Variants in EPSTI1 observed in about 807,000 individuals in gnomAD.
EPSTI1 encodes the protein epithelial-stromal interaction protein 1.
EPSTI1 carries 66 observed loss-of-function variants against 49.9 expected under a neutral mutation model. The observed-to-expected ratio is 1.32, with a 90% confidence interval of 1.08 to 1.62. EPSTI1 has a LOEUF of 1.62. Ranked by LOEUF, EPSTI1 falls within the 40% of genes most tolerant of loss-of-function variation. The pLI is 0.00. For missense variants in EPSTI1, 394 were observed against 365.5 expected (o/e 1.08, Z -0.64); for synonymous variants, 137 against 130.7 (o/e 1.05, Z -0.33).
chr13:42,971,844 G>T (rs1421668933), intron 1 of EPSTI1, among the ~76,000 whole-genome samples: 1 of 152,196 alleles, frequency 6.6e-6, no homozygotes, highest in East Asian at 1.9e-4. Context: ...GCCTTTGCAT[G>T]CAAATGGGGC....
intron 6 of EPSTI1, among the ~76,000 whole-genome samples, chr13:42,936,131 T>A (rs1460377925): frequency 1.3e-5 from 2 of 152,184 alleles, no homozygotes; most frequent in Non-Finnish European, 2.9e-5. Context: ...TGGTTATGTA[T>A]ACTCAGGAAC....
rs905453081 is a variant in EPSTI1, at chr13:42,952,306, C to A, written c.563+1642G>T. 2.6e-5 allele frequency among the ~76,000 whole-genome samples: 4 copies of A among 152,284 alleles called. No homozygotes were observed. The East Asian group carries it at 7.7e-4, about 29-fold the overall frequency. On this transcript the variant is annotated intron_variant, in intron 6 of 10. Transcript: ENST00000313624. ...TGCTGCTCACTCTTTGGGTCTGTGC[C>A]ACCTTTAAGAGCTGTAACACTCACC...
chr13:42,979,098 T>G (rs974069068), intron 1 of EPSTI1, among the ~76,000 whole-genome samples: 11 of 152,214 alleles, frequency 7.2e-5, no homozygotes, highest in African/African-American at 2.7e-4. Flanking sequence ...GCCCAGGCTT[T>G]TTTCATTAAA....
intron 5 of EPSTI1, 68 bp downstream of exon 5, chr13:42,963,187 T>C: frequency 1.5e-6 from 2 of 1,302,412 alleles, no homozygotes; most frequent in Non-Finnish European, 2.2e-6. Context: ...GTTACTATAA[T>C]AAAAATCTTC....
At chr13:42,933,646 GT>G (rs527773991) in intron 6 of EPSTI1, among the ~76,000 whole-genome samples, 8 of 152,208 alleles carry the variant, frequency 5.3e-5, no homozygotes, top group Admixed American at 6.5e-5. Flanking sequence ...CCCAGGAGGT[GT>G]GGGTATCATG....
intron 1 of EPSTI1, among the ~76,000 whole-genome samples, chr13:42,984,249 C>T (rs1309798384): frequency 1.3e-5 from 2 of 152,182 alleles, no homozygotes; most frequent in African/African-American, 2.4e-5. Context: ...CAGCATTACC[C>T]AATTCTCCAT....
At position 42,917,641 on chromosome 13, in the gene EPSTI1, A is replaced by AC. The variant is rs780413966; in HGVS notation, c.658-18_658-17insG. Reference sequence around the variant, plus strand: ...GCTTCTGGCCTGTAAAGGTACAAAGAGAAAAAAAAAAAAAAAAACAACTTG... The same window carrying AC: ...GCTTCTGGCCTGTAAAGGTACAAAGACGAAAAAAAAAAAAAAAAACAACTTG... On this transcript the variant is annotated splice_polypyrimidine_tract_variant and intron_variant, in intron 7 of 10. Transcript: ENST00000313624. 212 of 1,335,786 alleles carry AC rather than the reference A, an allele frequency of 1.6e-4. No individual in the cohort carries two copies. The highest frequency in any genetic ancestry group is 2.5e-4 in the African/African-American group (12 of 47,930). 82.7% of individuals were successfully genotyped at this position (1,335,786 alleles called of 1,614,324 possible). A position where few individuals can be genotyped will look rare whatever the true frequency, so the allele number is the denominator to read the frequency against.
intron 1 of EPSTI1, among the ~76,000 whole-genome samples, chr13:42,989,149 C>T (rs2040140371): frequency 6.6e-6 from 1 of 151,510 alleles, no homozygotes; most frequent in Non-Finnish European, 1.5e-5. Context: ...GCACAAGCCC[C>T]TGCGCCCGAC....
rs2036878077 is a variant in EPSTI1 at position 42,886,762 on chromosome 13, A to AAGTC, written c.*1728_*1731dup. On this transcript the variant is annotated 3_prime_UTR_variant, in exon 11 of 11. Transcript: ENST00000313624. ...TTCTAGATAGTTCTGGTCATGAAGTAAGTCACAATTTTCCATATCTGCACA... is the reference window on the plus strand; with the variant it reads ...TTCTAGATAGTTCTGGTCATGAAGTAAGTCAGTCACAATTTTCCATATCTGCACA... 1 of 152,216 alleles carries AAGTC rather than the reference A, an allele frequency of 6.6e-6. No individual in the cohort carries two copies. Among genetic ancestry groups the AAGTC allele is most frequent in the Admixed American group, 6.5e-5 (1 of 15,268 alleles). 9.4% of individuals were successfully genotyped at this position (152,216 alleles called of 1,614,324 possible).
At chr13:42,917,048 T>C (rs2037849371) in intron 8 of EPSTI1, among the ~76,000 whole-genome samples, 1 of 152,236 alleles carries the variant, frequency 6.6e-6, no homozygotes, top group South Asian at 2.1e-4. Context: ...GCTCAAAACA[T>C]ATGGAATGCC....
At chr13:42,931,068 G>C (rs1043831207) in intron 6 of EPSTI1, among the ~76,000 whole-genome samples, 1 of 152,100 alleles carries the variant, frequency 6.6e-6, no homozygotes, top group Admixed American at 6.5e-5. Flanking sequence ...AGGCTGAAGT[G>C]ATCCACATCA....
At chr13:42,976,478 G>A (rs1442869810) in intron 1 of EPSTI1, among the ~76,000 whole-genome samples, 1 of 152,116 alleles carries the variant, frequency 6.6e-6, no homozygotes, top group African/African-American at 2.4e-5. Flanking sequence ...AGAATATTTA[G>A]TATTAACATT....
At chr13:42,982,695 A>G (rs1394836751) in intron 1 of EPSTI1, among the ~76,000 whole-genome samples, 1 of 152,222 alleles carries the variant, frequency 6.6e-6, no homozygotes, top group Non-Finnish European at 1.5e-5. Context: ...GGTTCACGAC[A>G]TGTTATCCCA....
rs537460731 is a variant in EPSTI1, at chr13:42,888,551, C to G, written c.916-49G>C. The stretch of plus-strand genomic sequence containing the variant: ...TTACTGCAAGCAGCAAAATAAAATT[C>G]AAAGCCTTTGTAGTCAAAAATGAAG... On this transcript the variant is annotated intron_variant, in intron 10 of 10. Transcript: ENST00000313624. 79 of 1,560,352 alleles carry G rather than the reference C, an allele frequency of 5.1e-5. 3 individuals are homozygous for G. The South Asian group carries it at 9.1e-4, about 18-fold the overall frequency.
At chr13:42,954,982 T>C (rs532636090) in intron 5 of EPSTI1, among the ~76,000 whole-genome samples, 1 of 152,342 alleles carries the variant, frequency 6.6e-6, no homozygotes, top group East Asian at 1.9e-4. Flanking sequence ...GCTTGTATTG[T>C]TCATTTCCAT....
chr13:42,969,510 A>C, intron 2 of EPSTI1: 1 of 252,054 alleles, frequency 4.0e-6, no homozygotes, highest in Admixed American at 5.2e-5. Flanking sequence ...CCTATAGAAA[A>C]TGTGTGCAAA....
intron 6 of EPSTI1, among the ~76,000 whole-genome samples, chr13:42,945,350 G>A (rs2038888704): frequency 6.6e-6 from 1 of 152,134 alleles, no homozygotes; most frequent in Non-Finnish European, 1.5e-5. Flanking sequence ...CTCCGGCCAG[G>A]TCCCTCCCAC....
chr13:42,887,285 C>T lies in EPSTI1; in HGVS notation c.*1209G>A, dbSNP rs2036890992. 1 of 152,186 alleles carries T rather than the reference C, an allele frequency of 6.6e-6. No individual in the cohort carries two copies. The highest frequency in any genetic ancestry group is 1.5e-5 in the Non-Finnish European group (1 of 68,054). 9.4% of individuals were successfully genotyped at this position (152,186 alleles called of 1,614,324 possible). ...TGACACCATCTGTTCTCTGTTACCC[C>T]CCACCCACCAATGTGGCCCTTTCCT... On this transcript the variant is annotated 3_prime_UTR_variant, in exon 11 of 11. Coordinates refer to ENST00000313624, the MANE Select transcript of EPSTI1 (RefSeq NM_033255.5).
chr13:42,892,709 A>T (rs1365776383), intron 10 of EPSTI1, among the ~76,000 whole-genome samples: 1 of 152,232 alleles, frequency 6.6e-6, no homozygotes, highest in South Asian at 2.1e-4. Context: ...AGTCATGAAC[A>T]TATAGATAGT....
Sources: allele counts gnomAD v4.1 joint callset (sites outside exome capture counted in the v4.1 genomes callset), GRCh38; gene constraint gnomAD v4.1.1; transcripts MANE v1.5; gene names NCBI Gene and HGNC (gene_info 2026-07-23, HGNC 2026-07-21).